Variants in PTPN9 observed in about 807,000 individuals in gnomAD.
PTPN9 encodes tyrosine-protein phosphatase non-receptor type 9.
In PTPN9, 26 loss-of-function variants were observed where a neutral mutation model predicts 69.8. The ratio of observed to expected loss-of-function variants is 0.37; its 90% CI spans 0.27 to 0.52. The LOEUF is 0.52. PTPN9 is among the 20% of genes least tolerant of loss of function. PTPN9 has a pLI of 0.91. For missense variants in PTPN9, 549 were observed against 740.3 expected, an observed-to-expected ratio of 0.74 and a Z score of 3.00; for synonymous variants, 274 against 272.5, an observed-to-expected ratio of 1.01 and a Z score of -0.05.
intron 1 of PTPN9, among the ~76,000 whole-genome samples, chr15:75,542,570 GC>G (rs1314576060): frequency 2.0e-5 from 3 of 152,174 alleles, no homozygotes; most frequent in Admixed American, 6.5e-5. Context: ...ACACTGAGGG[GC>G]CAGAGTTAAC....
chr15:75,540,021 T>C (rs922350645), intron 1 of PTPN9, among the ~76,000 whole-genome samples: 2 of 152,194 alleles, frequency 1.3e-5, no homozygotes, highest in African/African-American at 2.4e-5. Context: ...GTTTTATTTA[T>C]TAGGAAGTGT....
chr15:75,487,406 C>T (rs751863005), intron 8 of PTPN9: 20 of 151,940 alleles, frequency 1.3e-4, no homozygotes, highest in Non-Finnish European at 2.6e-4. Context: ...ATAAAGCCTC[C>T]GCTAATGTTT....
chr15:75,503,164 C>T (rs1595954626), intron 7 of PTPN9, among the ~76,000 whole-genome samples: 1 of 150,028 alleles, frequency 6.7e-6, no homozygotes. Context: ...CGTCTCTGCC[C>T]GGCCGCCATC....
intron 11 of PTPN9, among the ~76,000 whole-genome samples, chr15:75,470,268 G>A (rs960768001): frequency 3.9e-5 from 6 of 152,186 alleles, no homozygotes; most frequent in African/African-American, 1.4e-4. Context: ...GCAGTGGCAC[G>A]ATCAAACTTA....
intron 1 of PTPN9, among the ~76,000 whole-genome samples, chr15:75,552,390 A>G (rs1315190667): frequency 1.3e-5 from 2 of 152,194 alleles, no homozygotes; most frequent in Non-Finnish European, 2.9e-5. Context: ...CTGGGCAACA[A>G]GAGGGAAACT....
chr15:75,559,380 G>A (rs2075093391), intron 1 of PTPN9, among the ~76,000 whole-genome samples: 1 of 152,202 alleles, frequency 6.6e-6, no homozygotes, highest in Admixed American at 6.5e-5. Context: ...TGCTGTGTCT[G>A]TGTAGAAAGA....
intron 8 of PTPN9, chr15:75,487,280 GTAAA>G (rs1360644928): frequency 6.7e-6 from 1 of 149,700 alleles, no homozygotes; most frequent in Non-Finnish European, 1.5e-5. Context: ...CCAAAGCTAA[GTAAA>G]TAATTTTTTT....
chr15:75,554,197 A>C (rs2075067366), intron 1 of PTPN9, among the ~76,000 whole-genome samples: 1 of 145,778 alleles, frequency 6.9e-6, no homozygotes, highest in South Asian at 2.2e-4. Context: ...AAAAGAAAAA[A>C]AAATTTTTTT....
chr15:75,526,192 A>C (rs931511384), intron 2 of PTPN9, among the ~76,000 whole-genome samples: 1 of 151,880 alleles, frequency 6.6e-6, no homozygotes, highest in Non-Finnish European at 1.5e-5. Context: ...CGGTTTTGCC[A>C]TTTTGTTCAG....
At chr15:75,482,667 G>A (rs1380073047) in intron 8 of PTPN9, among the ~76,000 whole-genome samples, 2 of 150,504 alleles carry the variant, frequency 1.3e-5, no homozygotes, top group Non-Finnish European at 3.0e-5. Flanking sequence ...CTCTGCCTAG[G>A]AAAACCAGAG....
intron 5 of PTPN9, among the ~76,000 whole-genome samples, chr15:75,515,166 G>A (rs1441406829): frequency 6.6e-6 from 1 of 152,050 alleles, no homozygotes; most frequent in Non-Finnish European, 1.5e-5. Context: ...AGTGGCTCAC[G>A]CCTGTAATCC....
At chr15:75,498,788 AAAT>A (rs2074757551) in intron 7 of PTPN9, among the ~76,000 whole-genome samples, 1 of 152,172 alleles carries the variant, frequency 6.6e-6, no homozygotes, top group African/African-American at 2.4e-5. Flanking sequence ...TGTAAAATAA[AAAT>A]AATGAAGGGC....
intron 1 of PTPN9, among the ~76,000 whole-genome samples, 185 bp from the exon 2 acceptor site, chr15:75,527,446 A>G (rs930389139): frequency 2.0e-5 from 3 of 152,200 alleles, no homozygotes; most frequent in African/African-American, 4.8e-5. Context: ...TAAAATTTGT[A>G]TAATTCAATG....
At chr15:75,564,686 A>C (rs189692595) in intron 1 of PTPN9, among the ~76,000 whole-genome samples, 2 of 152,094 alleles carry the variant, frequency 1.3e-5, no homozygotes, top group Admixed American at 1.3e-4. Context: ...TCTGGAGTGC[A>C]GTGGCTCATG....
intron 2 of PTPN9, among the ~76,000 whole-genome samples, chr15:75,525,680 G>A (rs1405918879): frequency 6.6e-6 from 1 of 151,614 alleles, no homozygotes; most frequent in Non-Finnish European, 1.5e-5. Context: ...TACTTTGGGA[G>A]GCCGAGGTGC....
intron 1 of PTPN9, among the ~76,000 whole-genome samples, chr15:75,575,918 CAAAAAAAAAAAA>C (rs759810846): frequency 2.5e-5 from 1 of 39,278 alleles, no homozygotes; most frequent in Non-Finnish European, 4.6e-5. Flanking sequence ...GACTCCATCT[CAAAAAAAAAAAA>C]AAAAAAAAAA....
In PTPN9 at chr15:75,506,010, G is replaced by A. The variant is rs779422969; in HGVS notation, c.640-7C>T. On this transcript the variant is annotated splice_polypyrimidine_tract_variant and splice_region_variant and intron_variant, in intron 6 of 12. Coordinates refer to ENST00000618819, the MANE Select transcript of PTPN9 (RefSeq NM_002833.4). ...ATGTCTTTAATATTTGAATCTGGAAGGTTAGAAAGAACCATGTGAGTATGT... is the reference window on the plus strand; with the variant it reads ...ATGTCTTTAATATTTGAATCTGGAAAGTTAGAAAGAACCATGTGAGTATGT... 8 of 1,596,762 alleles carry A rather than the reference G, an allele frequency of 5.0e-6. No individual in the cohort carries two copies. Among genetic ancestry groups the A allele is most frequent in the Non-Finnish European group, 6.9e-6 (8 of 1,165,976 alleles).
intron 1 of PTPN9, among the ~76,000 whole-genome samples, chr15:75,558,818 C>G (rs557542525): frequency 6.6e-6 from 1 of 152,326 alleles, no homozygotes; most frequent in African/African-American, 2.4e-5. Context: ...GACGGAGTCT[C>G]GTTCACTCAG....
At chr15:75,547,294 C>CAA (rs71140170) in intron 1 of PTPN9, among the ~76,000 whole-genome samples, 5 of 60,022 alleles carry the variant, frequency 8.3e-5, no homozygotes, top group Non-Finnish European at 1.2e-4. Context: ...GACTCTGTCT[C>CAA]AAAAAAAAAA....
Sources: allele counts gnomAD v4.1 joint callset (sites outside exome capture counted in the v4.1 genomes callset), GRCh38; gene constraint gnomAD v4.1.1; transcripts MANE v1.5; gene names NCBI Gene and HGNC (gene_info 2026-07-23, HGNC 2026-07-21).